Variants in DNAL1 observed in about 807,000 individuals in gnomAD.
DNAL1 encodes the protein dynein axonemal light chain 1.
DNAL1 carries 17 observed loss-of-function variants against 29.4 expected under a neutral mutation model. The ratio of observed to expected loss-of-function variants is 0.58; its 90% confidence interval spans 0.40 to 0.87. The LOEUF is 0.87. DNAL1 is among the 40% of genes least tolerant of loss of function. The pLI is 0.00. For missense variants in DNAL1, 188 were observed against 214.1 expected (o/e 0.88, Z 0.76); for synonymous variants, 78 against 76.3 (o/e 1.02, Z -0.12).
intron 5 of DNAL1, among the ~76,000 whole-genome samples, chr14:73,677,884 T>TATTTGTGTGTGTGTGTGTG (rs1555402397): frequency 5.2e-5 from 5 of 96,130 alleles, no homozygotes; most frequent in African/African-American, 1.9e-4. Flanking sequence ...ATATATATAT[T>TATTTGTGTGTGTGTGTGTG]TGTGTGTGTG....
At chr14:73,658,225 T>G (rs1482255163) in intron 2 of DNAL1, among the ~76,000 whole-genome samples, 4 of 152,250 alleles carry the variant, frequency 2.6e-5, no homozygotes, top group Non-Finnish European at 4.4e-5. Context: ...ATACATGGAC[T>G]TATTTCTGGA....
intron 3 of DNAL1, 147 bp downstream of exon 3, chr14:73,659,103 C>T: frequency 1.9e-6 from 1 of 535,240 alleles, no homozygotes; most frequent in South Asian, 4.2e-5. Context: ...CAAGGTCAAA[C>T]ATGAAAAATG....
intron 4 of DNAL1, among the ~76,000 whole-genome samples, chr14:73,663,961 G>A (rs1309517321): frequency 3.3e-5 from 5 of 152,184 alleles, no homozygotes; most frequent in Non-Finnish European, 5.9e-5. Context: ...AGGCATCAAA[G>A]CACTGCTTCT....
At chr14:73,661,893 A>T in intron 3 of DNAL1, 94 bp from the exon 4 acceptor site, 1 of 732,858 alleles carries the variant, frequency 1.4e-6, no homozygotes, top group Non-Finnish European at 2.2e-6. Context: ...AATATTACTT[A>T]AATATTATCT....
In DNAL1 at chr14:73,676,244, A is replaced by G. The variant is rs147120643; in HGVS notation, c.264+4647A>G. Among the ~76,000 whole-genome samples the G allele has an allele frequency of 8.0e-3, 1,218 of 152,038 alleles. 23 individuals are homozygous for G. Among genetic ancestry groups the G allele is most frequent in the African/African-American group, 0.028 (1,155 of 41,492 alleles). On this transcript the variant is annotated intron_variant, in intron 5 of 7. Coordinates refer to ENST00000553645, the MANE Select transcript of DNAL1 (RefSeq NM_031427.4). ...GCAAGAGACTGTCTCAAAAAAAAAAAAAATTTTTTTTTTAATTCTATAAGT... is the reference window on the plus strand; with the variant it reads ...GCAAGAGACTGTCTCAAAAAAAAAAGAAATTTTTTTTTTAATTCTATAAGT...
chr14:73,647,968 G>A, intron 1 of DNAL1, among the ~76,000 whole-genome samples: 1 of 152,000 alleles, frequency 6.6e-6, no homozygotes. Flanking sequence ...GTGCAGGAGA[G>A]TTCCATTTCT....
At chr14:73,682,251 A>T (rs1202052550) in intron 5 of DNAL1, among the ~76,000 whole-genome samples, 1 of 138,454 alleles carries the variant, frequency 7.2e-6, no homozygotes, top group Non-Finnish European at 1.6e-5. Flanking sequence ...GTTCACTGCA[A>T]CCTCTGCCTC....
At chr14:73,679,480 T>C (rs538109603) in intron 5 of DNAL1, among the ~76,000 whole-genome samples, 25 of 152,112 alleles carry the variant, frequency 1.6e-4, no homozygotes, top group African/African-American at 5.8e-4. Flanking sequence ...GAGAGATAAT[T>C]GGATAAACAA....
intron 4 of DNAL1, among the ~76,000 whole-genome samples, chr14:73,664,910 C>A (rs1891441600): frequency 6.6e-6 from 1 of 151,960 alleles, no homozygotes; most frequent in Non-Finnish European, 1.5e-5. Context: ...ATGTCACCCC[C>A]TCCTTGAAGA....
chr14:73,679,359 T>C (rs1474648588), intron 5 of DNAL1, among the ~76,000 whole-genome samples: 1 of 152,190 alleles, frequency 6.6e-6, no homozygotes, highest in Admixed American at 6.6e-5. Flanking sequence ...ACTCTTTCTG[T>C]TAAAATACTG....
chr14:73,689,026 G>GTTT (rs71112794), intron 6 of DNAL1, among the ~76,000 whole-genome samples: 126 of 92,258 alleles, frequency 1.4e-3, no homozygotes, highest in African/African-American at 3.2e-3. Context: ...AAAACTTGCT[G>GTTT]TTTTTTTTTT....
At chr14:73,677,560 TTA>T (rs1457566800) in intron 5 of DNAL1, among the ~76,000 whole-genome samples, 1 of 149,332 alleles carries the variant, frequency 6.7e-6, no homozygotes, top group Non-Finnish European at 1.5e-5. Flanking sequence ...ATTTATTTAT[TTA>T]TTTATTTTTT....
chr14:73,693,328 C>T (rs1227205649), intron 7 of DNAL1, among the ~76,000 whole-genome samples: 1 of 152,114 alleles, frequency 6.6e-6, no homozygotes, highest in Non-Finnish European at 1.5e-5. Flanking sequence ...TAACTACATA[C>T]CCCAAAGAAA....
In DNAL1 at chr14:73,658,803, A is replaced by G. The variant is rs756232574; in HGVS notation, c.43-44A>G. ...AAATTCTGGCCTCTTTTGTTTCCAC[A>G]TTGCAATCATGGGTTATTTCTTCCA... On this transcript the variant is annotated intron_variant, in intron 2 of 7. Coordinates refer to ENST00000553645, the MANE Select transcript of DNAL1 (RefSeq NM_031427.4). 4 of 1,473,348 alleles carry G rather than the reference A, an allele frequency of 2.7e-6. No individual in the cohort carries two copies. The South Asian group carries it at 3.7e-5, about 14-fold the overall frequency. The allele number at this position is 1,473,348 out of a possible 1,614,324, so 91.3% of individuals were successfully genotyped here. A position where few individuals can be genotyped will look rare whatever the true frequency, so the allele number is the denominator to read the frequency against.
intron 2 of DNAL1, among the ~76,000 whole-genome samples, chr14:73,658,584 C>G (rs1030248312): frequency 6.6e-6 from 1 of 152,066 alleles, no homozygotes; most frequent in African/African-American, 2.4e-5. Context: ...TTAAATACCA[C>G]AAAAATAAAA....
chr14:73,687,451 A>G lies in DNAL1; in HGVS notation c.391+66A>G, dbSNP rs1009295. 0.051 allele frequency: 74,260 copies of G among 1,444,632 alleles called. 2,098 individuals are homozygous for G. The highest frequency in any genetic ancestry group is 0.065 in the Middle Eastern group (353 of 5,406). The allele number at this position is 1,444,632 out of a possible 1,614,324, so 89.5% of individuals were successfully genotyped here. Reference sequence around the variant, plus strand: ...TTTATAGAAAATAGTCCGAGAGGGAAAAGATGCAAAACGAGAACGTTTATT... The same window carrying G: ...TTTATAGAAAATAGTCCGAGAGGGAGAAGATGCAAAACGAGAACGTTTATT... On this transcript the variant is annotated intron_variant, in intron 6 of 7. Transcript: ENST00000553645.
intron 5 of DNAL1, among the ~76,000 whole-genome samples, chr14:73,682,204 T>G (rs1012383755): frequency 2.1e-5 from 3 of 144,962 alleles, no homozygotes; most frequent in Non-Finnish European, 4.5e-5. Flanking sequence ...GGAGTCTCGC[T>G]CTGTTGCCCA....
chr14:73,680,121 G>T (rs1041498762), intron 5 of DNAL1, among the ~76,000 whole-genome samples: 14 of 151,846 alleles, frequency 9.2e-5, no homozygotes, highest in African/African-American at 3.1e-4. Context: ...AAATATTTGT[G>T]GGCATTTACT....
intron 5 of DNAL1, among the ~76,000 whole-genome samples, chr14:73,684,810 T>C (rs986883612): frequency 1.3e-5 from 2 of 152,128 alleles, no homozygotes; most frequent in East Asian, 3.9e-4. Flanking sequence ...GGCAGGAGGA[T>C]CACTTGAGCC....
Sources: gnomAD v4.1 joint callset for allele counts (sites outside exome capture counted in the v4.1 genomes callset) on GRCh38, gnomAD v4.1.1 for gene constraint, MANE v1.5 for transcripts, NCBI Gene and HGNC (gene_info 2026-07-23, HGNC 2026-07-21) for gene names.